TRPM3: variants seen among roughly 807,000 people sequenced by gnomAD.
The protein encoded by TRPM3 is long transient receptor potential channel 3.
A neutral mutation model predicts 181.2 loss-of-function variants in TRPM3; 77 were observed. The ratio of observed to expected loss-of-function variants is 0.42; its 90% confidence interval spans 0.35 to 0.51. TRPM3 has a LOEUF of 0.51. TRPM3 is among the 20% of genes least tolerant of loss of function. The pLI, the probability that TRPM3 is intolerant of heterozygous loss-of-function variation, is 0.01. For missense variants in TRPM3, 1,759 were observed against 2,196.7 expected (o/e 0.80, Z 3.98); for synonymous variants, 745 against 796.4 (o/e 0.94, Z 1.09).
chr9:71,057,519 A>G (rs931689829), intron 1 of TRPM3, among the ~76,000 whole-genome samples: 1 of 152,052 alleles, frequency 6.6e-6, no homozygotes, highest in African/African-American at 2.4e-5. Flanking sequence ...TTGTGTTCTA[A>G]GAGATCTAAA....
rs574291534 is a variant in TRPM3, at chr9:71,229,764, A to C, written c.183+216889T>G. On this transcript the variant is annotated intron_variant, in intron 1 of 24. Coordinates refer to the TRPM3 transcript ENST00000357533. ...CCTCACCCCAGTTAAAATGGCTTAT[A>C]TCCAAAAGACATGCAATAATAAATG... Among the ~76,000 whole-genome samples the C allele has an allele frequency of 5.3e-5, 8 of 152,316 alleles. No individual in the cohort carries two copies. The South Asian group carries it at 1.7e-3, about 32-fold the overall frequency.
chr9:71,095,397 T>A (rs2133962308), intron 1 of TRPM3, among the ~76,000 whole-genome samples: 1 of 152,262 alleles, frequency 6.6e-6, no homozygotes, highest in Non-Finnish European at 1.5e-5. Flanking sequence ...ATCCTCTATT[T>A]AAGATCTTGC....
intron 1 of TRPM3, among the ~76,000 whole-genome samples, chr9:71,342,574 G>T (rs1368076971): frequency 6.6e-6 from 1 of 151,986 alleles, no homozygotes; most frequent in African/African-American, 2.4e-5. Flanking sequence ...ATATCCAAGT[G>T]CTGTCAAGGA....
chr9:70,656,236 G>C (rs1276271452), intron 9 of TRPM3, among the ~76,000 whole-genome samples: 2 of 152,054 alleles, frequency 1.3e-5, no homozygotes, highest in Non-Finnish European at 2.9e-5. Context: ...TTTGGCATAG[G>C]GGTTAAAAAA....
chr9:70,912,162 A>C (rs2133160884), intron 1 of TRPM3, among the ~76,000 whole-genome samples: 1 of 152,364 alleles, frequency 6.6e-6, no homozygotes, highest in Admixed American at 6.5e-5. Flanking sequence ...GAAGTCAAAG[A>C]AAAGAAAGAA....
intron 1 of TRPM3, among the ~76,000 whole-genome samples, chr9:70,940,204 T>C (rs1040472820): frequency 1.3e-5 from 2 of 152,176 alleles, no homozygotes; most frequent in Admixed American, 6.5e-5. Context: ...CGTTAAAACC[T>C]TTTGAGGTAG....
At chr9:71,208,477 G>A (rs2079266240) in intron 1 of TRPM3, among the ~76,000 whole-genome samples, 1 of 152,122 alleles carries the variant, frequency 6.6e-6, no homozygotes, top group African/African-American at 2.4e-5. Flanking sequence ...ACATTTACAA[G>A]CAGTTGTTGG....
chr9:71,322,405 T>A (rs1157279831), intron 1 of TRPM3, among the ~76,000 whole-genome samples: 6 of 152,196 alleles, frequency 3.9e-5, no homozygotes, highest in Admixed American at 3.9e-4. Context: ...CAAGAAATTC[T>A]TTTAAATGAA....
intron 6 of TRPM3, among the ~76,000 whole-genome samples, chr9:70,804,094 G>A (rs1210648092): frequency 1.3e-5 from 2 of 151,614 alleles, no homozygotes; most frequent in African/African-American, 4.8e-5. Flanking sequence ...ACTTTGGGAG[G>A]CCGAGGCGGG....
At chr9:70,621,489 C>T (rs553434528) in intron 14 of TRPM3, among the ~76,000 whole-genome samples, 21 of 152,168 alleles carry the variant, frequency 1.4e-4, no homozygotes, top group African/African-American at 5.1e-4. Context: ...TTCAGTGCCC[C>T]ACGTAGCTGA....
At chr9:71,094,277 T>G (rs1372901606) in intron 1 of TRPM3, among the ~76,000 whole-genome samples, 1 of 151,890 alleles carries the variant, frequency 6.6e-6, no homozygotes. Flanking sequence ...TAAAATAAAT[T>G]TTAAAAAAAA....
chr9:70,962,256 C>G (rs2097143569), intron 1 of TRPM3, among the ~76,000 whole-genome samples: 1 of 151,992 alleles, frequency 6.6e-6, no homozygotes, highest in Non-Finnish European at 1.5e-5. Flanking sequence ...CATAGACTCC[C>G]ATTAGTTTTT....
At chr9:71,324,520 A>G (rs1464942461) in intron 1 of TRPM3, among the ~76,000 whole-genome samples, 1 of 152,016 alleles carries the variant, frequency 6.6e-6, no homozygotes, top group Non-Finnish European at 1.5e-5. Context: ...TGTTGATGGG[A>G]ATGTGATCTA....
intron 2 of TRPM3, 78 bp from the exon 3 acceptor site, chr9:70,863,190 A>C: frequency 7.9e-7 from 1 of 1,273,552 alleles, no homozygotes; most frequent in South Asian, 1.4e-5. Flanking sequence ...CAGCTGGAGA[A>C]ATCTATAGTC....
chr9:70,740,800 T>C (rs1443810436), intron 8 of TRPM3, among the ~76,000 whole-genome samples: 1 of 152,148 alleles, frequency 6.6e-6, no homozygotes, highest in Non-Finnish European at 1.5e-5. Flanking sequence ...TCTTACCTTA[T>C]ACAAAAATCA....
At chr9:71,028,698 C>A (rs902706383) in intron 1 of TRPM3, among the ~76,000 whole-genome samples, 12 of 150,206 alleles carry the variant, frequency 8.0e-5, no homozygotes, top group South Asian at 6.3e-4. Context: ...CAGCAAAGAT[C>A]AAAAATGATT....
At chr9:71,309,414 G>C (rs1254116602) in intron 1 of TRPM3, among the ~76,000 whole-genome samples, 1 of 151,998 alleles carries the variant, frequency 6.6e-6, no homozygotes, top group East Asian at 1.9e-4. Flanking sequence ...ATTTAATGCA[G>C]GCAAAATGGA....
chr9:71,193,065 G>A (rs1240955965), intron 1 of TRPM3, among the ~76,000 whole-genome samples: 1 of 151,834 alleles, frequency 6.6e-6, no homozygotes. Context: ...ACATGAATGG[G>A]TATTTAAAAG....
intron 1 of TRPM3, among the ~76,000 whole-genome samples, chr9:70,979,913 A>G (rs1462703179): frequency 6.6e-6 from 1 of 151,852 alleles, no homozygotes; most frequent in African/African-American, 2.4e-5. Context: ...GTCCTATGGG[A>G]TTAGGGCCCC....
Sources: gnomAD v4.1 joint callset for allele counts (sites outside exome capture counted in the v4.1 genomes callset) on GRCh38, gnomAD v4.1.1 for gene constraint, MANE v1.5 for transcripts, NCBI Gene and HGNC (gene_info 2026-07-23, HGNC 2026-07-21) for gene names.